DLGAP4: variants seen among roughly 807,000 people sequenced by gnomAD.
The protein encoded by DLGAP4 is disks large-associated protein 4.
Under a neutral mutation model 86.9 loss-of-function variants are expected in DLGAP4, and 18 were observed. The ratio of observed to expected loss-of-function variants is 0.21; its 90% CI spans 0.14 to 0.31. The LOEUF (loss-of-function observed/expected upper bound fraction) is 0.31, where lower values mean the gene tolerates loss of function less well. Among genes scored for constraint, DLGAP4 ranks in the 10% least tolerant of loss-of-function variants. The probability of loss-of-function intolerance (pLI) is 1.00; values close to 1 mark genes in which losing one functional copy is unlikely to be tolerated. For missense variants in DLGAP4, 1,085 were observed against 1,362.6 expected (o/e 0.80, Z 3.21); for synonymous variants, 548 against 574.3 (o/e 0.95, Z 0.65).
At chr20:36,430,886 C>T (rs942441662) in intron 2 of DLGAP4, among the ~76,000 whole-genome samples, 3 of 148,028 alleles carry the variant, frequency 2.0e-5, no homozygotes, top group African/African-American at 5.0e-5. Context: ...ACCCGGGAGA[C>T]GGAGGTTGCA....
intron 4 of DLGAP4, among the ~76,000 whole-genome samples, chr20:36,436,896 G>T (rs1223143298): frequency 1.3e-5 from 2 of 151,530 alleles, no homozygotes; most frequent in African/African-American, 4.8e-5. Flanking sequence ...TCCCCACTTC[G>T]GGTGAGTCCC....
intron 1 of DLGAP4, among the ~76,000 whole-genome samples, chr20:36,365,912 G>A (rs1474112683): frequency 4.6e-5 from 7 of 152,150 alleles, no homozygotes; most frequent in East Asian, 1.9e-4. Flanking sequence ...CCTACCACTC[G>A]GGTTCTGTGT....
intron 1 of DLGAP4, among the ~76,000 whole-genome samples, chr20:36,349,470 T>C (rs2030070569): frequency 6.7e-6 from 1 of 149,404 alleles, no homozygotes; most frequent in South Asian, 2.1e-4. Flanking sequence ...GTAGGGAACG[T>C]AGCCTGAAGA....
intron 10 of DLGAP4, among the ~76,000 whole-genome samples, chr20:36,517,904 C>T (rs1313718174): frequency 6.6e-6 from 1 of 152,088 alleles, no homozygotes; most frequent in Non-Finnish European, 1.5e-5. Flanking sequence ...GGGACGTTTC[C>T]TCTTCTCATA....
In DLGAP4 at chr20:36,500,118, G is replaced by T. The variant is rs372330682; in HGVS notation, c.2100-81G>T. 8 of 1,441,776 alleles carry T rather than the reference G, an allele frequency of 5.5e-6. No homozygotes were observed. In the East Asian group the frequency reaches 1.6e-4, roughly 30 times the overall value. The allele number at this position is 1,441,776 out of a possible 1,614,324, so 89.3% of individuals were successfully genotyped here. A position where few individuals can be genotyped will look rare whatever the true frequency, so the allele number is the denominator to read the frequency against. ...CCGTTTCTCTGTCTCCCGTGTGTCC[G>T]GGTCAAGGCGGCCTCTGGTCTCTGG... On this transcript the variant is annotated intron_variant, in intron 9 of 12. Coordinates refer to ENST00000339266, the MANE Select transcript of DLGAP4 (RefSeq NM_001365621.2). The surrounding 1 kb of genome is among the most constrained non-coding windows in gnomAD (Gnocchi z 4.6).
chr20:36,371,062 A>C (rs1438394490), intron 2 of DLGAP4, among the ~76,000 whole-genome samples: 1 of 152,214 alleles, frequency 6.6e-6, no homozygotes, highest in Non-Finnish European at 1.5e-5. Flanking sequence ...GACAGTGGGT[A>C]GTGGAGCTGC....
chr20:36,346,022 G>A (rs1392696257), intron 1 of DLGAP4, among the ~76,000 whole-genome samples: 1 of 152,308 alleles, frequency 6.6e-6, no homozygotes, highest in African/African-American at 2.4e-5. Flanking sequence ...CTCCCAAAGT[G>A]CTGGGACTAC....
chr20:36,504,401 A>G (rs1166524728), intron 10 of DLGAP4, among the ~76,000 whole-genome samples: 2 of 152,104 alleles, frequency 1.3e-5, no homozygotes, highest in Non-Finnish European at 2.9e-5. Flanking sequence ...AATATATACC[A>G]CATTTTGTTC....
intron 2 of DLGAP4, among the ~76,000 whole-genome samples, chr20:36,379,024 C>G (rs1159994702): frequency 6.6e-6 from 1 of 152,118 alleles, no homozygotes; most frequent in African/African-American, 2.4e-5. Flanking sequence ...AACATGCTAG[C>G]AGTAAGCTAG....
chr20:36,324,380 T>C (rs983791990), intron 1 of DLGAP4, among the ~76,000 whole-genome samples: 1 of 152,090 alleles, frequency 6.6e-6, no homozygotes, highest in African/African-American at 2.4e-5. Context: ...TGAGCCGAGA[T>C]TGCACCACTG....
intron 10 of DLGAP4, among the ~76,000 whole-genome samples, chr20:36,512,945 T>TC (rs2036800808): frequency 1.9e-5 from 2 of 108,024 alleles, no homozygotes; most frequent in Non-Finnish European, 3.8e-5. Context: ...TTTTTTTTTT[T>TC]TTTTTTTTTT....
chr20:36,510,715 C>T (rs1354836099), intron 10 of DLGAP4, among the ~76,000 whole-genome samples: 1 of 151,794 alleles, frequency 6.6e-6, no homozygotes, highest in Non-Finnish European at 1.5e-5. Context: ...CCAGCTGACA[C>T]CTGGCTAATT....
At position 36,432,607 on chromosome 20, in the gene DLGAP4, T is replaced by A; in HGVS notation, c.890T>A (p.Leu297Gln). Residue 297 changes from leucine (L) to glutamine (Q), a missense_variant, in exon 3 of 13, where the codon CTG becomes CAG. Coordinates refer to ENST00000339266, the MANE Select transcript of DLGAP4 (RefSeq NM_001365621.2). This position sits in a 1 kb window ranked among gnomAD's most constrained non-coding sequence, Gnocchi z 6.5. ...GTCAAACGGGGCTCCTGGTCCACTC[T>A]GACCCTCAGCCACGCCCACGAGGTC... The part of the protein sequence containing the change: ...NYVKRGSWST[L>Q]TLSHAHEVCQ... 6.2e-7 allele frequency: 1 copy of A among 1,611,196 alleles called. No homozygotes were observed. Among genetic ancestry groups the A allele is most frequent in the Admixed American group, 1.7e-5 (1 of 59,700 alleles).
intron 7 of DLGAP4, chr20:36,462,453 C>A (rs1569507224): frequency 6.5e-7 from 1 of 1,535,210 alleles, no homozygotes. Context: ...GGCCCTTGGC[C>A]CCCCCTTGCT....
At chr20:36,442,233 TG>T (rs2033466856) in intron 5 of DLGAP4, among the ~76,000 whole-genome samples, 1 of 152,172 alleles carries the variant, frequency 6.6e-6, no homozygotes, top group Admixed American at 6.5e-5. Flanking sequence ...TCGCTCTTGT[TG>T]CCCAGGCTGG....
At chr20:36,501,132 T>G (rs1190895377) in intron 10 of DLGAP4, among the ~76,000 whole-genome samples, 1 of 150,996 alleles carries the variant, frequency 6.6e-6, no homozygotes, top group African/African-American at 2.4e-5. Flanking sequence ...TGGCTCGATA[T>G]CAGCTCACTG....
chr20:36,332,362 GTTTTTTGTT>G (rs1406067735), intron 1 of DLGAP4, among the ~76,000 whole-genome samples: 1 of 151,812 alleles, frequency 6.6e-6, no homozygotes, highest in Non-Finnish European at 1.5e-5. Context: ...CGCCCGTTCC[GTTTTTTGTT>G]TTTTTTGTTT....
At chr20:36,328,650 C>A (rs527858639) in intron 1 of DLGAP4, among the ~76,000 whole-genome samples, 1 of 151,840 alleles carries the variant, frequency 6.6e-6, no homozygotes, top group African/African-American at 2.4e-5. Context: ...TTTTTTGAGA[C>A]GGAATTTTGC....
At chr20:36,367,680 C>T (rs557534071) in intron 2 of DLGAP4, among the ~76,000 whole-genome samples, 10 of 152,260 alleles carry the variant, frequency 6.6e-5, no homozygotes, top group South Asian at 2.1e-4. Context: ...GCCCCCAGGG[C>T]GGCTTGAGGG....
Sources: allele counts gnomAD v4.1 joint callset (sites outside exome capture counted in the v4.1 genomes callset), GRCh38; gene constraint gnomAD v4.1.1; non-coding constraint Gnocchi (gnomAD v3.1); transcripts MANE v1.5; gene names NCBI Gene and HGNC (gene_info 2026-07-23, HGNC 2026-07-21).